The following TRPC1 variants were observed in gnomAD, a reference collection of about 807,000 sequenced individuals.
TRPC1 encodes short transient receptor potential channel 1.
TRPC1 carries 42 observed loss-of-function variants against 88.2 expected under a neutral mutation model. That is an observed-to-expected ratio of 0.48 (90% CI 0.37 to 0.62). The LOEUF is 0.62. Among genes scored for constraint, TRPC1 ranks in the 20% least tolerant of loss-of-function variants. The pLI, the probability that TRPC1 is intolerant of heterozygous loss-of-function variation, is 0.00. For synonymous variants in TRPC1, 288 were observed against 331.8 expected (o/e 0.87, Z 1.43); for missense variants, 699 against 957.3 (o/e 0.73, Z 3.56).
At chr3:142,786,447 G>T (rs957833600) in intron 7 of TRPC1, among the ~76,000 whole-genome samples, 1 of 152,064 alleles carries the variant, frequency 6.6e-6, no homozygotes, top group Non-Finnish European at 1.5e-5. Context: ...TTTAATCTAT[G>T]ATGCATTAAT....
intron 1 of TRPC1, among the ~76,000 whole-genome samples, chr3:142,725,691 TCTGTTAGAAA>T (rs1347957933): frequency 6.6e-6 from 1 of 152,188 alleles, no homozygotes; most frequent in Non-Finnish European, 1.5e-5. Flanking sequence ...TTAGGAAAAC[TCTGTTAGAAA>T]CATGCAAACT....
chr3:142,735,617 T>G (rs1433288340), intron 1 of TRPC1, among the ~76,000 whole-genome samples: 3 of 152,216 alleles, frequency 2.0e-5, no homozygotes, highest in Non-Finnish European at 4.4e-5. Flanking sequence ...TGTTGTCATT[T>G]CCTCACATGG....
chr3:142,793,023 T>C, intron 9 of TRPC1, 56 bp downstream of exon 9: 1 of 1,414,534 alleles, frequency 7.1e-7, no homozygotes, highest in Non-Finnish European at 9.5e-7. Context: ...TTGTTACATC[T>C]TTCTCCTTGT....
chr3:142,763,989 T>TATATATATAC (rs1486429772), intron 4 of TRPC1, among the ~76,000 whole-genome samples: 3 of 65,072 alleles, frequency 4.6e-5, no homozygotes, highest in African/African-American at 3.4e-4. Context: ...TATATACACA[T>TATATATATAC]ACATACATAC....
chr3:142,801,101 T>C (rs529147266), intron 9 of TRPC1: 3 of 152,214 alleles, frequency 2.0e-5, no homozygotes, highest in South Asian at 4.2e-4. Context: ...CCGTTCTACA[T>C]ATACATACTG....
intron 1 of TRPC1, among the ~76,000 whole-genome samples, chr3:142,735,028 T>C (rs529339900): frequency 6.6e-6 from 1 of 151,690 alleles, no homozygotes; most frequent in Non-Finnish European, 1.5e-5. Flanking sequence ...AGAGTATCAC[T>C]TTGTGAAGTG....
chr3:142,785,491 T>G (rs1936102693), intron 7 of TRPC1, among the ~76,000 whole-genome samples: 2 of 152,008 alleles, frequency 1.3e-5, no homozygotes, highest in African/African-American at 4.8e-5. Context: ...AGCTTTTTGG[T>G]TTTTGTTTTG....
intron 4 of TRPC1, among the ~76,000 whole-genome samples, chr3:142,756,592 C>T (rs1934975557): frequency 6.6e-6 from 1 of 152,150 alleles, no homozygotes; most frequent in East Asian, 1.9e-4. Context: ...ATCTCCTGAC[C>T]TCGTGATCCG....
intron 11 of TRPC1, 112 bp downstream of exon 11, chr3:142,804,290 T>A (rs908945682): frequency 1.2e-5 from 14 of 1,183,090 alleles, no homozygotes; most frequent in Non-Finnish European, 1.6e-5. Context: ...ATAGTATTTT[T>A]AAATTAAATA....
Position 142,792,043 on chromosome 3 carries a change from C to T in TRPC1, c.1438-781C>T, listed in dbSNP as rs1327105598. ...TCTTAGATTATTGAAAAGGCAAGCT[C>T]ATTATTTTACATAATTTTACTTTAT... On this transcript the variant is annotated intron_variant, in intron 8 of 12. Transcript: ENST00000476941. This position sits in a 1 kb window ranked among gnomAD's most constrained non-coding sequence, Gnocchi z 4.0. 2.6e-5 allele frequency among the ~76,000 whole-genome samples: 4 copies of T among 151,876 alleles called. No individual in the cohort carries two copies. Among genetic ancestry groups the T allele is most frequent in the African/African-American group, 9.7e-5 (4 of 41,400 alleles).
chr3:142,734,112 G>T (rs1041387062), intron 1 of TRPC1, among the ~76,000 whole-genome samples: 1 of 152,180 alleles, frequency 6.6e-6, no homozygotes, highest in African/African-American at 2.4e-5. Context: ...TTGTGTTATT[G>T]TGGGCTCTGA....
chr3:142,729,248 A>C (rs1933802036), intron 1 of TRPC1, among the ~76,000 whole-genome samples: 1 of 152,190 alleles, frequency 6.6e-6, no homozygotes, highest in South Asian at 2.1e-4. Context: ...CTTTATAGTG[A>C]TCACGCAACT....
intron 5 of TRPC1, 71 bp from the exon 6 acceptor site, chr3:142,780,763 G>A (rs1034425232): frequency 4.9e-6 from 7 of 1,419,790 alleles, no homozygotes; most frequent in Non-Finnish European, 9.4e-7. Context: ...GAGTAAAAAC[G>A]TTTTTAGTGA....
rs570615790 is a variant in TRPC1, at chr3:142,797,202, A to G, written c.1581+4235A>G. On this transcript the variant is annotated intron_variant, in intron 9 of 12. Coordinates refer to ENST00000476941, the MANE Select transcript of TRPC1 (RefSeq NM_001251845.2). ...TTTTTTTTTTTTTGGAGGGGAATAA[A>G]TTATTTGGCAATTTTCTCAAATATT... Among the ~76,000 whole-genome samples, 5 of 151,740 alleles carry G rather than the reference A, an allele frequency of 3.3e-5. No individual in the cohort carries two copies. The East Asian group carries it at 9.7e-4, about 29-fold the overall frequency.
intron 6 of TRPC1, among the ~76,000 whole-genome samples, chr3:142,784,287 T>G (rs1040535624): frequency 7.5e-6 from 1 of 133,920 alleles, no homozygotes; most frequent in Admixed American, 6.9e-5. Flanking sequence ...ATATTAAACA[T>G]GAAAAAATGG....
chr3:142,753,090 T>A (rs1934834508), intron 4 of TRPC1, among the ~76,000 whole-genome samples: 1 of 152,156 alleles, frequency 6.6e-6, no homozygotes, highest in African/African-American at 2.4e-5. Flanking sequence ...GTGTGAATAT[T>A]TTTCAAATTA....
At chr3:142,791,275 C>A in intron 8 of TRPC1, 117 bp downstream of exon 8, 1 of 871,420 alleles carries the variant, frequency 1.1e-6, no homozygotes, top group Non-Finnish European at 1.6e-6. Flanking sequence ...GGTGTGTTTT[C>A]ATTTTAAGCC....
At chr3:142,753,830 C>G (rs1312025850) in intron 4 of TRPC1, among the ~76,000 whole-genome samples, 1 of 151,790 alleles carries the variant, frequency 6.6e-6, no homozygotes, top group East Asian at 1.9e-4. Flanking sequence ...CATGGTGGCT[C>G]ACGCCTATAA....
chr3:142,755,690 A>G (rs1934936549), intron 4 of TRPC1, among the ~76,000 whole-genome samples: 1 of 152,178 alleles, frequency 6.6e-6, no homozygotes, highest in Admixed American at 6.5e-5. Flanking sequence ...AGGGAATTAC[A>G]TATTTCCATA....
Sources: allele counts gnomAD v4.1 joint callset (sites outside exome capture counted in the v4.1 genomes callset), GRCh38; gene constraint gnomAD v4.1.1; non-coding constraint Gnocchi (gnomAD v3.1); transcripts MANE v1.5; gene names NCBI Gene and HGNC (gene_info 2026-07-23, HGNC 2026-07-21).